DENND1A: variants seen among roughly 807,000 people sequenced by gnomAD.
DENND1A encodes DENN domain containing 1A.
DENND1A carries 51 observed loss-of-function variants against 113.7 expected under a neutral mutation model. That is an observed-to-expected ratio of 0.45 (90% CI 0.36 to 0.57). DENND1A has a LOEUF of 0.57. Ranked by LOEUF, DENND1A falls within the 20% of genes least tolerant of loss-of-function variation. The pLI is 0.00. For missense variants in DENND1A, 1,258 were observed against 1,395.9 expected, an observed-to-expected ratio of 0.90 and a Z score of 1.57; for synonymous variants, 565 against 570.8, an observed-to-expected ratio of 0.99 and a Z score of 0.14.
At chr9:123,508,370 C>G (rs142616239) in intron 13 of DENND1A, among the ~76,000 whole-genome samples, 2 of 152,178 alleles carry the variant, frequency 1.3e-5, no homozygotes, top group Non-Finnish European at 2.9e-5. Flanking sequence ...ATTCATGGTT[C>G]GTAAATTCTA....
chr9:123,828,283 T>G (rs993581205), intron 2 of DENND1A, among the ~76,000 whole-genome samples: 3 of 151,614 alleles, frequency 2.0e-5, no homozygotes, highest in African/African-American at 7.3e-5. Context: ...CAGTGGACAA[T>G]AGATTAGTTG....
chr9:123,627,706 C>T (rs938722492), intron 10 of DENND1A, among the ~76,000 whole-genome samples: 2 of 148,126 alleles, frequency 1.4e-5, no homozygotes, highest in Non-Finnish European at 3.0e-5. Context: ...TGCCACTGCA[C>T]TCCAGGCTGG....
chr9:123,776,084 T>A (rs986136546), intron 3 of DENND1A, among the ~76,000 whole-genome samples: 2 of 152,158 alleles, frequency 1.3e-5, no homozygotes, highest in Non-Finnish European at 2.9e-5. Flanking sequence ...CAACTTCCCC[T>A]GCCACCCCAC....
chr9:123,546,699 C>G (rs2056726264), intron 13 of DENND1A, among the ~76,000 whole-genome samples: 1 of 152,160 alleles, frequency 6.6e-6, no homozygotes, highest in Admixed American at 6.5e-5. Context: ...CTACTAATAC[C>G]AGACTATGTG....
intron 1 of DENND1A, among the ~76,000 whole-genome samples, chr9:123,923,960 G>C (rs766478405): frequency 1.3e-5 from 2 of 152,074 alleles, no homozygotes; most frequent in Non-Finnish European, 2.9e-5. Context: ...AAAAACATAT[G>C]TCCACACAAA....
chr9:123,799,796 T>C (rs562121936), intron 2 of DENND1A, among the ~76,000 whole-genome samples: 2 of 152,232 alleles, frequency 1.3e-5, no homozygotes, highest in African/African-American at 4.8e-5. Context: ...TGTCTCCAAG[T>C]GGATAAAAGG....
chr9:123,632,166 G>T (rs2061503782), intron 9 of DENND1A, among the ~76,000 whole-genome samples: 1 of 152,114 alleles, frequency 6.6e-6, no homozygotes, highest in Non-Finnish European at 1.5e-5. Context: ...TGAGAGCTGT[G>T]TGTTAAAGCC....
At chr9:123,923,279 A>T (rs1856591536) in intron 1 of DENND1A, among the ~76,000 whole-genome samples, 1 of 152,216 alleles carries the variant, frequency 6.6e-6, no homozygotes, top group South Asian at 2.1e-4. Context: ...TAGCACCAAC[A>T]TGTTTTCCAG....
intron 9 of DENND1A, among the ~76,000 whole-genome samples, chr9:123,651,549 C>T (rs1022202628): frequency 1.3e-5 from 2 of 152,250 alleles, no homozygotes; most frequent in Non-Finnish European, 2.9e-5. Context: ...TAGCGCTTAT[C>T]AAGCCCTTTG....
chr9:123,546,698 C>T (rs2056726026), intron 13 of DENND1A, among the ~76,000 whole-genome samples: 1 of 152,138 alleles, frequency 6.6e-6, no homozygotes, highest in Admixed American at 6.5e-5. Flanking sequence ...CCTACTAATA[C>T]CAGACTATGT....
At chr9:123,415,689 T>C (rs930503289) in intron 19 of DENND1A, among the ~76,000 whole-genome samples, 1 of 152,186 alleles carries the variant, frequency 6.6e-6, no homozygotes, top group African/African-American at 2.4e-5. Flanking sequence ...GGCAAGCAAG[T>C]GACTTCCCTG....
chr9:123,828,450 A>G (rs1353115855), intron 2 of DENND1A, among the ~76,000 whole-genome samples: 1 of 152,076 alleles, frequency 6.6e-6, no homozygotes, highest in East Asian at 1.9e-4. Context: ...AAAGATAGAA[A>G]GAGAATTGGC....
At chr9:123,877,353 G>A (rs534865014) in intron 2 of DENND1A, among the ~76,000 whole-genome samples, 4 of 152,160 alleles carry the variant, frequency 2.6e-5, no homozygotes, top group African/African-American at 9.6e-5. Flanking sequence ...GCCGGACGTG[G>A]TGGTGGGCAC....
intron 2 of DENND1A, among the ~76,000 whole-genome samples, chr9:123,822,915 G>A (rs1838712834): frequency 6.6e-6 from 1 of 152,164 alleles, no homozygotes; most frequent in Non-Finnish European, 1.5e-5. Context: ...AGGGGGCAGG[G>A]AGAAAAGAAA....
intron 5 of DENND1A, among the ~76,000 whole-genome samples, chr9:123,717,738 C>T (rs947802113): frequency 7.9e-5 from 12 of 152,332 alleles, no homozygotes; most frequent in African/African-American, 2.6e-4. Context: ...CCTTGACAGT[C>T]TCCCAGAGGT....
intron 2 of DENND1A, among the ~76,000 whole-genome samples, chr9:123,815,821 C>T (rs1014591114): frequency 9.9e-5 from 15 of 151,838 alleles, no homozygotes; most frequent in South Asian, 2.1e-4. Context: ...AAAACGTGTC[C>T]GTAATTTTGT....
chr9:123,442,649 T>C (rs1249940531), intron 18 of DENND1A, among the ~76,000 whole-genome samples: 1 of 152,194 alleles, frequency 6.6e-6, no homozygotes, highest in Non-Finnish European at 1.5e-5. Flanking sequence ...ATCTGGGTAT[T>C]AATAGAAAAC....
In DENND1A at chr9:123,422,715, C is replaced by T. The variant is rs2045404349; in HGVS notation, c.1489-10886G>A. ...AAGGCTGGGGGAATATGCGGCTCTC[C>T]AATTTGTACGGACTGCACACAGCTC... On this transcript the variant is annotated intron_variant, in intron 19 of 23. Transcript: ENST00000394215. This position sits in a 1 kb window ranked among gnomAD's most constrained non-coding sequence, Gnocchi z 4.8. Among the ~76,000 whole-genome samples the T allele has an allele frequency of 8.5e-5, 13 of 152,328 alleles. No individual in the cohort carries two copies. In the South Asian group the frequency reaches 2.7e-3, roughly 32 times the overall value.
chr9:123,530,925 C>T (rs1047599709), intron 13 of DENND1A, among the ~76,000 whole-genome samples: 22 of 152,132 alleles, frequency 1.4e-4, no homozygotes, highest in Non-Finnish European at 2.9e-4. Context: ...CTTTTTCTCT[C>T]TTTCCAAATT....
Sources: allele counts gnomAD v4.1 joint callset (sites outside exome capture counted in the v4.1 genomes callset), GRCh38; gene constraint gnomAD v4.1.1; non-coding constraint Gnocchi (gnomAD v3.1); transcripts MANE v1.5; gene names NCBI Gene and HGNC (gene_info 2026-07-23, HGNC 2026-07-21).